GREM2: variants seen among roughly 807,000 people sequenced by gnomAD.
GREM2 encodes the protein gremlin 2, DAN family BMP antagonist.
A neutral mutation model predicts 14.2 loss-of-function variants in GREM2; 11 were observed. The ratio of observed to expected loss-of-function variants is 0.78; its 90% confidence interval spans 0.49 to 1.28. The LOEUF (loss-of-function observed/expected upper bound fraction) is 1.28. Ranked by LOEUF, GREM2 falls within the 50% of genes most tolerant of loss-of-function variation. The pLI is 0.00. For synonymous variants in GREM2, 98 were observed against 97.6 expected (o/e 1.00, Z -0.02); for missense variants, 210 against 218.5 (o/e 0.96, Z 0.24).
rs1680024254 is a variant in GREM2 at position 240,606,369 on chromosome 1, A to G, written c.-2+5515T>C. Among the ~76,000 whole-genome samples, 7 of 152,218 alleles carry G rather than the reference A, an allele frequency of 4.6e-5. 1 individual carries two copies. Among genetic ancestry groups the G allele is most frequent in the Admixed American group, 3.3e-4 (5 of 15,284 alleles). On this transcript the variant is annotated intron_variant, in intron 1 of 1. Coordinates refer to ENST00000318160, the MANE Select transcript of GREM2 (RefSeq NM_022469.4). The stretch of plus-strand genomic sequence containing the variant: ...AAAATATCTGAAATGATGTAAAGAA[A>G]AAATTTGAGCTATTACAATGAAAAG...
chr1:240,496,995 T>G (rs944948975), intron 1 of GREM2, among the ~76,000 whole-genome samples: 23 of 151,736 alleles, frequency 1.5e-4, no homozygotes, highest in African/African-American at 5.6e-4. Context: ...CACTCCAGCC[T>G]GGGCAACAAG....
At chr1:240,562,961 AGT>A (rs1387311127) in intron 1 of GREM2, among the ~76,000 whole-genome samples, 13 of 77,522 alleles carry the variant, frequency 1.7e-4, no homozygotes, top group Admixed American at 5.1e-4. Flanking sequence ...TATGTGTGTG[AGT>A]GTGTGTATGT....
At chr1:240,525,697 T>C (rs965831289) in intron 1 of GREM2, among the ~76,000 whole-genome samples, 2 of 152,108 alleles carry the variant, frequency 1.3e-5, no homozygotes, top group Non-Finnish European at 2.9e-5. Flanking sequence ...CAGGTTCATC[T>C]TGAACTTGTG....
At chr1:240,559,880 T>C (rs1006742413) in intron 1 of GREM2, among the ~76,000 whole-genome samples, 2 of 152,210 alleles carry the variant, frequency 1.3e-5, no homozygotes, top group African/African-American at 4.8e-5. Flanking sequence ...TGGTGTTCAG[T>C]GGTGCCTCGA....
chr1:240,604,069 G>A (rs1223806885), intron 1 of GREM2, among the ~76,000 whole-genome samples: 1 of 151,692 alleles, frequency 6.6e-6, no homozygotes, highest in East Asian at 2.0e-4. Flanking sequence ...AGAGGGAGCA[G>A]GAGAGAAGGA....
At position 240,606,741 on chromosome 1, in the gene GREM2, C is replaced by T. The variant is rs182500988; in HGVS notation, c.-2+5143G>A. Among the ~76,000 whole-genome samples, 677 of 149,006 alleles carry T rather than the reference C, an allele frequency of 4.5e-3. 2 individuals are homozygous for T. Among genetic ancestry groups the T allele is most frequent in the African/African-American group, 0.016 (657 of 40,220 alleles). ...TTGCCCAGGCTGGAGTGCAGTGGCG[C>T]GATCTCAGCTCACTGCAACCTCCAC... On this transcript the variant is annotated intron_variant, in intron 1 of 1. Transcript: ENST00000318160.
chr1:240,591,135 AT>A (rs1679707466), intron 1 of GREM2, among the ~76,000 whole-genome samples: 1 of 152,098 alleles, frequency 6.6e-6, no homozygotes, highest in South Asian at 2.1e-4. Flanking sequence ...CTCAAAGGAA[AT>A]TTCCCTGTCC....
intron 1 of GREM2, among the ~76,000 whole-genome samples, chr1:240,562,406 C>T (rs933440672): frequency 3.8e-4 from 58 of 152,282 alleles, no homozygotes; most frequent in African/African-American, 1.4e-3. Context: ...CACTTGTGAA[C>T]TTTACTAGCA....
intron 1 of GREM2, among the ~76,000 whole-genome samples, chr1:240,528,897 A>G (rs989799832): frequency 3.3e-5 from 5 of 152,150 alleles, no homozygotes; most frequent in African/African-American, 4.8e-5. Context: ...GTGGTTTTCC[A>G]TCTCTGTCTC....
chr1:240,603,560 A>G (rs971727665), intron 1 of GREM2, among the ~76,000 whole-genome samples: 7 of 151,986 alleles, frequency 4.6e-5, no homozygotes, highest in African/African-American at 1.4e-4. Context: ...TCACATGGCT[A>G]CCCATCCCAT....
intron 1 of GREM2, among the ~76,000 whole-genome samples, chr1:240,578,818 A>G (rs1359970908): frequency 1.3e-5 from 2 of 151,874 alleles, no homozygotes; most frequent in African/African-American, 2.4e-5. Flanking sequence ...ATAAAATAAA[A>G]ATAGAAAAAA....
At chr1:240,610,207 A>G (rs975921327) in intron 1 of GREM2, among the ~76,000 whole-genome samples, 2 of 151,728 alleles carry the variant, frequency 1.3e-5, no homozygotes, top group African/African-American at 4.8e-5. Flanking sequence ...ATACAAAACA[A>G]CTCTTTACCA....
chr1:240,548,849 G>A (rs190524750), intron 1 of GREM2, among the ~76,000 whole-genome samples: 2 of 152,178 alleles, frequency 1.3e-5, no homozygotes, highest in South Asian at 2.1e-4. Context: ...AAAACTTGAC[G>A]GTAAAAAGAG....
intron 1 of GREM2, among the ~76,000 whole-genome samples, chr1:240,494,533 G>A (rs574793561): frequency 1.3e-5 from 2 of 152,298 alleles, no homozygotes; most frequent in Admixed American, 6.5e-5. Context: ...TATTACATAT[G>A]AATAATAACA....
intron 1 of GREM2, among the ~76,000 whole-genome samples, chr1:240,562,738 T>C (rs1389975166): frequency 1.3e-5 from 2 of 151,982 alleles, no homozygotes; most frequent in African/African-American, 2.4e-5. Context: ...TGTGTGTATA[T>C]ATGTGTGCAC....
intron 1 of GREM2, among the ~76,000 whole-genome samples, chr1:240,528,592 G>A (rs560448908): frequency 2.6e-5 from 4 of 152,204 alleles, no homozygotes; most frequent in African/African-American, 4.8e-5. Flanking sequence ...AACTGCAATC[G>A]AATTATGTAA....
intron 1 of GREM2, among the ~76,000 whole-genome samples, chr1:240,575,419 G>T (rs1572405959): frequency 1.3e-5 from 2 of 152,134 alleles, no homozygotes; most frequent in Non-Finnish European, 1.5e-5. Context: ...GTGTCACTAT[G>T]TAAGGGTAAC....
rs1286686705 is a variant in GREM2 at position 240,540,339 on chromosome 1, C to T, written c.-1-46863G>A. On this transcript the variant is annotated intron_variant, in intron 1 of 1. Transcript: ENST00000318160. This position sits in a 1 kb window ranked among gnomAD's most constrained non-coding sequence, Gnocchi z 4.2. ...TTCTCCAAAAGGGGGCATAAAGGAA[C>T]ATCGTGAGTCCTTCAATTGCTGCCA... 6.6e-6 allele frequency among the ~76,000 whole-genome samples: 1 copy of T among 152,148 alleles called. No individual in the cohort carries two copies. The highest frequency in any genetic ancestry group is 1.5e-5 in the Non-Finnish European group (1 of 68,026).
At chr1:240,509,483 C>T (rs1398023403) in intron 1 of GREM2, among the ~76,000 whole-genome samples, 6 of 151,784 alleles carry the variant, frequency 4.0e-5, no homozygotes, top group Admixed American at 3.9e-4. Flanking sequence ...ATTCTCCTGC[C>T]TCAGCCTCCC....
Sources: gnomAD v4.1 joint callset for allele counts (sites outside exome capture counted in the v4.1 genomes callset) on GRCh38, gnomAD v4.1.1 for gene constraint, Gnocchi (gnomAD v3.1) non-coding constraint, MANE v1.5 for transcripts, NCBI Gene and HGNC (gene_info 2026-07-23, HGNC 2026-07-21) for gene names.